The following SEZ6L variants were observed in gnomAD, a reference collection of about 807,000 sequenced individuals.
SEZ6L encodes the protein seizure 6-like protein.
In SEZ6L, 37 loss-of-function variants were observed where a neutral mutation model predicts 106.2. That is an observed-to-expected ratio of 0.35 (90% CI 0.27 to 0.46). The LOEUF is 0.46. Among genes scored for constraint, SEZ6L ranks in the 20% least tolerant of loss-of-function variants. SEZ6L has a pLI of 1.00. For missense variants in SEZ6L, 1,172 were observed against 1,332.8 expected, an observed-to-expected ratio of 0.88 and a Z score of 1.88; for synonymous variants, 541 against 570.4, an observed-to-expected ratio of 0.95 and a Z score of 0.73.
intron 4 of SEZ6L, 46 bp downstream of exon 4, chr22:26,297,126 T>C (rs1192924584): frequency 6.8e-7 from 1 of 1,477,308 alleles, no homozygotes; most frequent in Admixed American, 2.2e-5. Context: ...TTGCCTCAGT[T>C]TCCCTCTGGA....
chr22:26,273,134 C>T (rs1371164979), intron 1 of SEZ6L, among the ~76,000 whole-genome samples: 1 of 152,264 alleles, frequency 6.6e-6, no homozygotes, highest in African/African-American at 2.4e-5. Context: ...TTCTCCATCT[C>T]TCTGCCTCTC....
chr22:26,251,102 A>G (rs930903655), intron 1 of SEZ6L, among the ~76,000 whole-genome samples: 11 of 152,162 alleles, frequency 7.2e-5, no homozygotes, highest in African/African-American at 2.7e-4. Flanking sequence ...AGATCATGTC[A>G]TCTGCAAACA....
intron 1 of SEZ6L, among the ~76,000 whole-genome samples, chr22:26,264,446 C>T (rs183062408): frequency 6.6e-6 from 1 of 152,282 alleles, no homozygotes; most frequent in African/African-American, 2.4e-5. Flanking sequence ...AGCTGTATGA[C>T]TTCCAGAATT....
At chr22:26,255,703 A>G (rs558064760) in intron 1 of SEZ6L, among the ~76,000 whole-genome samples, 17 of 152,248 alleles carry the variant, frequency 1.1e-4, no homozygotes, top group Non-Finnish European at 1.6e-4. Context: ...TTTCTCCAGC[A>G]TAGCAAAAGC....
chr22:26,325,184 C>T (rs1270845423), intron 9 of SEZ6L, among the ~76,000 whole-genome samples: 2 of 152,224 alleles, frequency 1.3e-5, no homozygotes, highest in African/African-American at 4.8e-5. Flanking sequence ...GGAAGTGGCA[C>T]AGCCGCACGT....
chr22:26,346,521 T>G (rs980563274), intron 10 of SEZ6L, among the ~76,000 whole-genome samples: 3 of 152,202 alleles, frequency 2.0e-5, no homozygotes, highest in Non-Finnish European at 4.4e-5. Flanking sequence ...ATCTTGCAGT[T>G]TCTCTGGGTT....
Position 26,206,992 on chromosome 22 carries a change from G to A in SEZ6L, c.94+37229G>A, listed in dbSNP as rs555409350. ...AATAACCCAGTGTTTTGTGAACCTC[G>A]ACAACGCTTATTTTCTTCTTAATGC... On this transcript the variant is annotated intron_variant, in intron 1 of 16. Transcript: ENST00000248933. 2.7e-3 allele frequency among the ~76,000 whole-genome samples: 414 copies of A among 152,242 alleles called. 2 individuals are homozygous for A. Among genetic ancestry groups the A allele is most frequent in the Non-Finnish European group, 4.7e-3 (320 of 68,008 alleles).
At chr22:26,338,198 C>T (rs572930090) in intron 9 of SEZ6L, among the ~76,000 whole-genome samples, 185 of 152,278 alleles carry the variant, frequency 1.2e-3, no homozygotes, top group Non-Finnish European at 2.0e-3. Context: ...TCAGTGTCTC[C>T]CCGTCTCCTG....
At chr22:26,351,545 G>GGT in intron 12 of SEZ6L, 1 of 265,182 alleles carries the variant, frequency 3.8e-6, no homozygotes, top group Non-Finnish European at 7.0e-6. Flanking sequence ...TTGTTTGTTT[G>GGT]TTGGTTGGTT....
At chr22:26,272,792 A>G (rs1048082359) in intron 1 of SEZ6L, among the ~76,000 whole-genome samples, 6 of 152,176 alleles carry the variant, frequency 3.9e-5, no homozygotes, top group Non-Finnish European at 5.9e-5. Context: ...TCTTAACATC[A>G]CCTAAAATAA....
chr22:26,235,958 C>T (rs751931843), intron 1 of SEZ6L, among the ~76,000 whole-genome samples: 8 of 152,250 alleles, frequency 5.3e-5, no homozygotes, highest in Admixed American at 3.3e-4. Context: ...ACTGGGCTTG[C>T]GGCCTTGGAA....
chr22:26,304,418 AAG>A (rs1301889004), intron 5 of SEZ6L, among the ~76,000 whole-genome samples: 3 of 149,804 alleles, frequency 2.0e-5, no homozygotes, highest in Non-Finnish European at 3.0e-5. Context: ...GAAAGAAAGA[AAG>A]AAAGAAAGAA....
intron 1 of SEZ6L, among the ~76,000 whole-genome samples, chr22:26,266,638 G>C (rs2080201229): frequency 6.6e-6 from 1 of 151,732 alleles, no homozygotes; most frequent in Non-Finnish European, 1.5e-5. Context: ...TTAGGAGCAA[G>C]AATAAAAACC....
chr22:26,245,949 T>C (rs973835706), intron 1 of SEZ6L, among the ~76,000 whole-genome samples: 2 of 152,224 alleles, frequency 1.3e-5, no homozygotes, highest in Admixed American at 1.3e-4. Context: ...CTGTAAATAC[T>C]CCACGTAGTT....
intron 13 of SEZ6L, among the ~76,000 whole-genome samples, chr22:26,372,237 A>G (rs1228952695): frequency 6.6e-6 from 1 of 152,246 alleles, no homozygotes; most frequent in Non-Finnish European, 1.5e-5. Context: ...AAGTCCCAGG[A>G]ATGGCCCAGG....
chr22:26,292,705 C>T lies in SEZ6L; in HGVS notation c.394C>T (p.Leu132=), dbSNP rs770655782. The change falls in exon 2 of 17, where the codon CTG becomes TTG. Residue 132 remains leucine, a synonymous_variant. Coordinates refer to ENST00000248933, the MANE Select transcript of SEZ6L (RefSeq NM_021115.5). The stretch of plus-strand genomic sequence containing the variant: ...GCAGGTGAACTCTGCCAGGAAGCAG[C>T]TGAGGCCCAAGGCCACCTCCGCAGC... The part of the protein sequence containing the change: ...LKQVNSARKQ[L]RPKATSAATV... The T allele has an allele frequency of 6.2e-7, 1 of 1,613,622 alleles. No individual in the cohort carries two copies. The highest frequency in any genetic ancestry group is 1.7e-5 in the Admixed American group (1 of 60,008).
At chr22:26,313,598 AC>A (rs2081909462) in intron 8 of SEZ6L, among the ~76,000 whole-genome samples, 165 bp from the exon 9 acceptor site, 5 of 89,890 alleles carry the variant, frequency 5.6e-5, no homozygotes, top group Admixed American at 2.0e-4. Flanking sequence ...ACACACACAC[AC>A]ACACGCACAC....
intron 1 of SEZ6L, among the ~76,000 whole-genome samples, chr22:26,202,624 C>A (rs1016111745): frequency 6.6e-6 from 1 of 152,140 alleles, no homozygotes; most frequent in Non-Finnish European, 1.5e-5. Flanking sequence ...TTTCAGTAAA[C>A]AATTCATCAA....
intron 12 of SEZ6L, among the ~76,000 whole-genome samples, chr22:26,356,052 G>C (rs1385659933): frequency 1.3e-5 from 2 of 152,162 alleles, no homozygotes; most frequent in African/African-American, 4.8e-5. Context: ...GGATTGTTGG[G>C]AGCAACTCAC....
Sources: allele counts gnomAD v4.1 joint callset (sites outside exome capture counted in the v4.1 genomes callset), GRCh38; gene constraint gnomAD v4.1.1; transcripts MANE v1.5; gene names NCBI Gene and HGNC (gene_info 2026-07-23, HGNC 2026-07-21).